The following CD200R1 variants were observed in gnomAD, a reference collection of about 807,000 sequenced individuals.
CD200R1 encodes the protein cell surface glycoprotein CD200 receptor 1.
In CD200R1, 30 loss-of-function variants were observed where a neutral mutation model predicts 38.1. That is an observed-to-expected ratio of 0.79 (90% CI 0.59 to 1.07). The LOEUF is 1.07. Among genes scored for constraint, CD200R1 ranks in the 50% least tolerant of loss-of-function variants. The pLI is 0.00. For missense variants in CD200R1, 372 were observed against 415.4 expected (o/e 0.90, Z 0.91); for synonymous variants, 128 against 152.1 (o/e 0.84, Z 1.16).
At chr3:112,958,688 T>G (rs1177991893) in intron 1 of CD200R1, among the ~76,000 whole-genome samples, 1 of 152,170 alleles carries the variant, frequency 6.6e-6, no homozygotes, top group African/African-American at 2.4e-5. Flanking sequence ...CATTGGGTTT[T>G]AACACACATA....
At chr3:112,927,953 CA>C (rs1940320036) in intron 5 of CD200R1, among the ~76,000 whole-genome samples, 1 of 152,094 alleles carries the variant, frequency 6.6e-6, no homozygotes, top group Admixed American at 6.6e-5. Flanking sequence ...CAGCACTTAA[CA>C]GTACTTAAAT....
intron 1 of CD200R1, among the ~76,000 whole-genome samples, chr3:112,968,930 C>T (rs1933230736): frequency 6.6e-6 from 1 of 152,080 alleles, no homozygotes; most frequent in African/African-American, 2.4e-5. Context: ...ATTTAATTTA[C>T]AAAGAACCAA....
At chr3:112,942,060 T>A (rs1416610848) in intron 2 of CD200R1, among the ~76,000 whole-genome samples, 3 of 151,648 alleles carry the variant, frequency 2.0e-5, no homozygotes, top group Non-Finnish European at 3.0e-5. Flanking sequence ...TTGTTGTCTG[T>A]AGGCCTGCCT....
intron 2 of CD200R1, among the ~76,000 whole-genome samples, chr3:112,933,956 T>TA (rs1940516525): frequency 6.6e-6 from 1 of 151,692 alleles, no homozygotes; most frequent in Non-Finnish European, 1.5e-5. Context: ...AAAAGAATTT[T>TA]AAAAAAATAA....
At chr3:112,965,567 C>A (rs554254003) in intron 1 of CD200R1, among the ~76,000 whole-genome samples, 22 of 152,210 alleles carry the variant, frequency 1.4e-4, no homozygotes, top group South Asian at 8.3e-4. Context: ...TGGAGACCAT[C>A]CTGGACAACA....
intron 2 of CD200R1, among the ~76,000 whole-genome samples, chr3:112,942,839 C>T (rs1260934119): frequency 1.3e-5 from 2 of 151,592 alleles, no homozygotes; most frequent in African/African-American, 4.8e-5. Context: ...ATTAATTTTA[C>T]ACAGCAATGA....
intron 2 of CD200R1, among the ~76,000 whole-genome samples, chr3:112,942,842 A>T (rs1362313739): frequency 6.6e-6 from 1 of 151,710 alleles, no homozygotes; most frequent in Admixed American, 6.6e-5. Context: ...AATTTTACAC[A>T]GCAATGACTT....
intron 1 of CD200R1, among the ~76,000 whole-genome samples, chr3:112,964,440 T>A (rs1933105474): frequency 6.6e-6 from 1 of 152,184 alleles, no homozygotes; most frequent in Non-Finnish European, 1.5e-5. Context: ...TCCTCTTGCA[T>A]CAGCATGACC....
intron 2 of CD200R1, among the ~76,000 whole-genome samples, chr3:112,938,741 G>A (rs757881398): frequency 6.6e-6 from 1 of 152,000 alleles, no homozygotes; most frequent in Non-Finnish European, 1.5e-5. Context: ...AAAATTGAAT[G>A]TAAAACTCAT....
At chr3:112,930,104 C>A (rs1323953219) in intron 3 of CD200R1, among the ~76,000 whole-genome samples, 1 of 130,050 alleles carries the variant, frequency 7.7e-6, no homozygotes, top group Non-Finnish European at 1.6e-5. Context: ...GTCAGTGAAA[C>A]CCACAGATCT....
At chr3:112,945,640 TGG>T (rs1205389570) in intron 2 of CD200R1, among the ~76,000 whole-genome samples, 8 of 152,148 alleles carry the variant, frequency 5.3e-5, no homozygotes, top group Admixed American at 4.6e-4. Flanking sequence ...AAATGATCTT[TGG>T]TTTGGCAGTG....
intron 1 of CD200R1, among the ~76,000 whole-genome samples, 171 bp downstream of exon 1, chr3:112,974,620 G>A (rs937225383): frequency 3.4e-4 from 52 of 151,900 alleles, no homozygotes; most frequent in Admixed American, 6.6e-5. Flanking sequence ...GCAAGACACC[G>A]GAAAAAAGGA....
At chr3:112,932,419 C>T (rs991881864) in intron 2 of CD200R1, among the ~76,000 whole-genome samples, 1 of 152,086 alleles carries the variant, frequency 6.6e-6, no homozygotes, top group African/African-American at 2.4e-5. Flanking sequence ...ATGCCCTCTC[C>T]TGAAGGGGAG....
chr3:112,929,345 T>G lies in CD200R1; in HGVS notation c.365A>C (p.Asn122Thr), dbSNP rs373339414. The change falls in exon 4 of 8, where the codon AAC (asparagine) becomes ACC (threonine). Residue 122 changes from asparagine to threonine, a missense_variant. Physicochemically the swap from Asn to Thr is moderately conservative, Grantham distance 65. Coordinates refer to ENST00000308611, the MANE Select transcript of CD200R1 (RefSeq NM_138806.4). Reference sequence around the variant, plus strand: ...CCAGGTTATTCTCTCATCAGTACAGTTGGTTTCCTTGGTCTCATTTGTTTC... The same window carrying G: ...CCAGGTTATTCTCTCATCAGTACAGGTGGTTTCCTTGGTCTCATTTGTTTC... ...KKETNETKET[N>T]CTDERITWVS... 37 of 1,614,016 alleles carry G rather than the reference T, an allele frequency of 2.3e-5. No homozygotes were observed. The African/African-American group carries it at 3.9e-4, about 17-fold the overall frequency.
In CD200R1 at chr3:112,928,865, G is replaced by A. The variant is rs151328383; in HGVS notation, c.720C>T (p.His240=). 3.9e-5 allele frequency: 63 copies of A among 1,613,794 alleles called. No individual in the cohort carries two copies. Among genetic ancestry groups the A allele is most frequent in the Middle Eastern group, 3.4e-4 (2 of 5,900 alleles). ...EVHNVSTVTC[H]VSHLTGNKSL... ...TCTTGTTGCCAGTCAAATGGGAGAC[G>A]TGGCAGGTCACGGTAGACACATTGT... The change falls in exon 5 of 8, where the codon CAC becomes CAT. Residue 240 remains histidine (H), a synonymous_variant. Transcript: ENST00000308611.
At chr3:112,944,796 G>A (rs1465310093) in intron 2 of CD200R1, among the ~76,000 whole-genome samples, 2 of 151,710 alleles carry the variant, frequency 1.3e-5, no homozygotes, top group East Asian at 3.8e-4. Flanking sequence ...CAGCAAGGTT[G>A]CAAAATACAA....
intron 7 of CD200R1, among the ~76,000 whole-genome samples, 162 bp downstream of exon 7, chr3:112,924,328 G>A (rs1940234860): frequency 6.6e-6 from 1 of 151,912 alleles, no homozygotes; most frequent in African/African-American, 2.4e-5. Context: ...AATAGTATTT[G>A]ATAGATAATT....
At chr3:112,941,109 C>T (rs1940718032) in intron 2 of CD200R1, among the ~76,000 whole-genome samples, 1 of 151,492 alleles carries the variant, frequency 6.6e-6, no homozygotes, top group Non-Finnish European at 1.5e-5. Flanking sequence ...AAGTTGGTCT[C>T]ATAGAAGTAA....
intron 1 of CD200R1, among the ~76,000 whole-genome samples, chr3:112,967,842 C>T (rs1933205952): frequency 6.6e-6 from 1 of 152,178 alleles, no homozygotes; most frequent in Non-Finnish European, 1.5e-5. Context: ...TGAAGGTGTT[C>T]AAAACTCAGC....
Sources: allele counts gnomAD v4.1 joint callset (sites outside exome capture counted in the v4.1 genomes callset), GRCh38; gene constraint gnomAD v4.1.1; transcripts MANE v1.5; gene names NCBI Gene and HGNC (gene_info 2026-07-23, HGNC 2026-07-21).